DCC: variants seen among roughly 807,000 people sequenced by gnomAD.
DCC encodes DCC netrin 1 receptor.
DCC carries 58 observed loss-of-function variants against 172.5 expected under a neutral mutation model. The ratio of observed to expected loss-of-function variants is 0.34; its 90% confidence interval spans 0.27 to 0.42. The LOEUF is 0.42. DCC is among the 10% of genes least tolerant of loss of function. The probability of loss-of-function intolerance (pLI) is 1.00; values close to 1 mark genes in which losing one functional copy is unlikely to be tolerated. For synonymous variants in DCC, 709 were observed against 644.5 expected, an observed-to-expected ratio of 1.10 and a Z score of -1.52; for missense variants, 1,740 against 1,791.0, an observed-to-expected ratio of 0.97 and a Z score of 0.51.
At position 53,274,360 on chromosome 18, in the gene DCC, C is replaced by A. The variant is rs142281200; in HGVS notation, c.1912-31218C>A. ...ATCTCATAGTCAAGTTGCACTTTTG[C>A]CCCATCAAATTCCACTTTTCATCCT... is the stretch of plus-strand genomic sequence containing the variant. On this transcript the variant is annotated intron_variant, in intron 12 of 28. Transcript: ENST00000442544. Among the ~76,000 whole-genome samples, 5 of 152,178 alleles carry A rather than the reference C, an allele frequency of 3.3e-5. No individual in the cohort carries two copies. In the East Asian group the frequency reaches 9.7e-4, roughly 29 times the overall value.
chr18:52,582,111 C>T (rs901629904), intron 1 of DCC, among the ~76,000 whole-genome samples: 1 of 152,188 alleles, frequency 6.6e-6, no homozygotes, highest in African/African-American at 2.4e-5. Context: ...TAAATACACA[C>T]ATGTGATTGT....
At chr18:53,505,820 G>A (rs896590144) in intron 27 of DCC, among the ~76,000 whole-genome samples, 3 of 152,184 alleles carry the variant, frequency 2.0e-5, no homozygotes, top group African/African-American at 2.4e-5. Flanking sequence ...TGAAGGAAAG[G>A]TGGGCAGTAG....
intron 2 of DCC, among the ~76,000 whole-genome samples, chr18:52,841,351 G>C (rs1368950738): frequency 1.3e-5 from 2 of 151,826 alleles, no homozygotes; most frequent in African/African-American, 4.8e-5. Flanking sequence ...GACTAGACCA[G>C]TTACAAGGCT....
At chr18:53,450,425 A>G in intron 22 of DCC, 75 bp from the exon 23 acceptor site, 6 of 1,539,254 alleles carry the variant, frequency 3.9e-6, no homozygotes, top group Non-Finnish European at 5.4e-6. Flanking sequence ...GGAACTTTGT[A>G]TATCCCAAGA....
At chr18:52,963,261 T>C (rs1412457852) in intron 5 of DCC, among the ~76,000 whole-genome samples, 2 of 151,828 alleles carry the variant, frequency 1.3e-5, no homozygotes, top group Admixed American at 6.6e-5. Flanking sequence ...TTTTATTTCT[T>C]TATATCTTAT....
chr18:53,269,520 T>C (rs1288504221), intron 12 of DCC, among the ~76,000 whole-genome samples: 1 of 152,052 alleles, frequency 6.6e-6, no homozygotes, highest in African/African-American at 2.4e-5. Context: ...ATGCAAAGAA[T>C]AGGAAAAGAG....
At chr18:52,393,944 T>C (rs948417958) in intron 1 of DCC, among the ~76,000 whole-genome samples, 1 of 152,100 alleles carries the variant, frequency 6.6e-6, no homozygotes, top group African/African-American at 2.4e-5. Flanking sequence ...TAAATGCGTA[T>C]TTTAATTCTC....
chr18:52,789,504 C>T (rs1483504994), intron 2 of DCC, among the ~76,000 whole-genome samples: 8 of 152,142 alleles, frequency 5.3e-5, no homozygotes, highest in Non-Finnish European at 7.4e-5. Context: ...TTAAGCTGAG[C>T]ACTCTTTAAG....
At chr18:53,207,212 A>G (rs900021010) in intron 10 of DCC, among the ~76,000 whole-genome samples, 2 of 152,168 alleles carry the variant, frequency 1.3e-5, no homozygotes, top group Non-Finnish European at 2.9e-5. Context: ...ATTTCAACCA[A>G]TCTAACAGCA....
chr18:52,497,489 G>A (rs12970816), intron 1 of DCC, among the ~76,000 whole-genome samples: 53,787 of 141,084 alleles, frequency 0.38, 10,019 homozygotes, highest in Admixed American at 0.47. Context: ...AACAAACTAT[G>A]AATGCTAGTT....
intron 1 of DCC, among the ~76,000 whole-genome samples, chr18:52,656,793 C>G (rs2035262665): frequency 6.6e-6 from 1 of 152,060 alleles, no homozygotes; most frequent in Non-Finnish European, 1.5e-5. Flanking sequence ...ATAAGCACTA[C>G]CATTAACTCC....
At chr18:52,352,536 C>A (rs1984171726) in intron 1 of DCC, among the ~76,000 whole-genome samples, 1 of 152,166 alleles carries the variant, frequency 6.6e-6, no homozygotes, top group African/African-American at 2.4e-5. Context: ...AACCATCCTC[C>A]CCTATTAACT....
intron 25 of DCC, among the ~76,000 whole-genome samples, chr18:53,479,978 A>T (rs2045812580): frequency 6.6e-6 from 1 of 152,206 alleles, no homozygotes; most frequent in African/African-American, 2.4e-5. Flanking sequence ...CTTAGAAAAG[A>T]ATACTGTGAT....
chr18:53,146,970 A>T (rs1199515021), intron 7 of DCC, among the ~76,000 whole-genome samples: 1 of 152,208 alleles, frequency 6.6e-6, no homozygotes, highest in African/African-American at 2.4e-5. Flanking sequence ...AAAAAGACCC[A>T]TCTTTTCTAG....
intron 20 of DCC, among the ~76,000 whole-genome samples, chr18:53,415,396 C>G (rs1275028200): frequency 6.6e-6 from 1 of 151,852 alleles, no homozygotes; most frequent in African/African-American, 2.4e-5. Context: ...GGGAGGGAAG[C>G]TTATGAAGAT....
chr18:52,501,378 C>A (rs890250823), intron 1 of DCC, among the ~76,000 whole-genome samples: 2 of 152,148 alleles, frequency 1.3e-5, no homozygotes, highest in Non-Finnish European at 2.9e-5. Context: ...CAGTTTCCAG[C>A]ATAAATCTCT....
intron 1 of DCC, among the ~76,000 whole-genome samples, chr18:52,607,553 G>A (rs2034161012): frequency 6.6e-6 from 1 of 152,074 alleles, no homozygotes; most frequent in South Asian, 2.1e-4. Flanking sequence ...AAATCCGTGG[G>A]GCAAGGAACT....
chr18:53,463,195 A>G (rs577419281), intron 24 of DCC, among the ~76,000 whole-genome samples: 29 of 152,358 alleles, frequency 1.9e-4, no homozygotes, highest in African/African-American at 6.0e-4. Flanking sequence ...GGTTTTGCCA[A>G]TGACTTCTAA....
intron 12 of DCC, among the ~76,000 whole-genome samples, chr18:53,247,654 T>G (rs1017893946): frequency 2.6e-5 from 4 of 151,966 alleles, no homozygotes; most frequent in Non-Finnish European, 5.9e-5. Context: ...TTAAATACAT[T>G]TTTATAGATG....
Sources: gnomAD v4.1 joint callset for allele counts (sites outside exome capture counted in the v4.1 genomes callset) on GRCh38, gnomAD v4.1.1 for gene constraint, MANE v1.5 for transcripts, NCBI Gene and HGNC (gene_info 2026-07-23, HGNC 2026-07-21) for gene names.